The following SNX3 variants were observed in gnomAD, a reference collection of about 807,000 sequenced individuals.
The protein encoded by SNX3 is sorting nexin 3.
In SNX3, 5 loss-of-function variants were observed where a neutral mutation model predicts 17.7. The observed-to-expected ratio is 0.28, with a 90% confidence interval of 0.15 to 0.59. SNX3 has a LOEUF of 0.59. Among genes scored for constraint, SNX3 ranks in the 20% least tolerant of loss-of-function variants. The pLI is 0.88. For missense variants in SNX3, 132 were observed against 206.8 expected, an observed-to-expected ratio of 0.64 and a Z score of 2.22; for synonymous variants, 91 against 76.5, an observed-to-expected ratio of 1.19 and a Z score of -0.99.
intron 1 of SNX3, among the ~76,000 whole-genome samples, chr6:108,231,943 A>G (rs957545829): frequency 1.3e-5 from 2 of 152,240 alleles, no homozygotes; most frequent in African/African-American, 2.4e-5. Context: ...AGAATTAAAC[A>G]AGGGTTTATA....
At chr6:108,226,882 A>G (rs941559914) in intron 1 of SNX3, among the ~76,000 whole-genome samples, 7 of 152,228 alleles carry the variant, frequency 4.6e-5, no homozygotes, top group Non-Finnish European at 1.0e-4. Flanking sequence ...ATCTCACAAG[A>G]GATTTAAAAG....
intron 2 of SNX3, among the ~76,000 whole-genome samples, chr6:108,221,034 A>G (rs572134625): frequency 8.2e-4 from 125 of 152,218 alleles, no homozygotes; most frequent in African/African-American, 2.8e-3. Flanking sequence ...TATACTGAAA[A>G]TATTTTTTGG....
intron 1 of SNX3, among the ~76,000 whole-genome samples, chr6:108,226,632 A>C (rs976272695): frequency 6.6e-6 from 1 of 152,250 alleles, no homozygotes; most frequent in African/African-American, 2.4e-5. Flanking sequence ...ATACAGGGAC[A>C]TCATCTTGTA....
At chr6:108,220,015 A>G (rs1053635182) in intron 2 of SNX3, among the ~76,000 whole-genome samples, 10 of 152,200 alleles carry the variant, frequency 6.6e-5, no homozygotes, top group Non-Finnish European at 1.5e-4. Context: ...AGTTAAAAAA[A>G]TTTAAATAGA....
At chr6:108,242,134 T>G (rs940890163) in intron 1 of SNX3, among the ~76,000 whole-genome samples, 1 of 152,054 alleles carries the variant, frequency 6.6e-6, no homozygotes, top group Non-Finnish European at 1.5e-5. Flanking sequence ...ATCAAGAAAC[T>G]GTCCATTCTG....
chr6:108,213,717 T>C (rs1447356228), intron 3 of SNX3, among the ~76,000 whole-genome samples: 1 of 151,530 alleles, frequency 6.6e-6, no homozygotes, highest in Non-Finnish European at 1.5e-5. Flanking sequence ...TCACAGACAA[T>C]GAATATTGAG....
chr6:108,222,360 T>A, intron 2 of SNX3: 2 of 1,301,250 alleles, frequency 1.5e-6, no homozygotes, highest in Non-Finnish European at 1.0e-6. Flanking sequence ...TGCTTTAATT[T>A]ATTTTGATGC....
At chr6:108,259,447 G>A (rs1211134892) in intron 1 of SNX3, among the ~76,000 whole-genome samples, 2 of 152,082 alleles carry the variant, frequency 1.3e-5, no homozygotes, top group African/African-American at 4.8e-5. Flanking sequence ...TGGTCAGGCT[G>A]GTGTCGAACT....
At chr6:108,260,435 G>T (rs1349120290) in intron 1 of SNX3, among the ~76,000 whole-genome samples, 1 of 152,086 alleles carries the variant, frequency 6.6e-6, no homozygotes, top group African/African-American at 2.4e-5. Context: ...TCCCTTCCCA[G>T]CGAAGGGATG....
chr6:108,216,024 C>G (rs914614684), intron 2 of SNX3, among the ~76,000 whole-genome samples: 25 of 152,292 alleles, frequency 1.6e-4, no homozygotes, highest in Middle Eastern at 6.8e-3. Context: ...TTTGGTTTCT[C>G]TACCCTAGCA....
chr6:108,244,260 ATCC>A (rs1223007166), intron 1 of SNX3, among the ~76,000 whole-genome samples: 2 of 151,950 alleles, frequency 1.3e-5, no homozygotes, highest in Non-Finnish European at 2.9e-5. Flanking sequence ...GGCTCAAACA[ATCC>A]TCCCACCTCA....
chr6:108,234,716 TA>T (rs1159267842), intron 1 of SNX3, among the ~76,000 whole-genome samples: 9 of 152,104 alleles, frequency 5.9e-5, no homozygotes. Flanking sequence ...TTATTTTTAT[TA>T]AATATATTAT....
rs928617301 is a variant in SNX3, at chr6:108,238,701, G to T, written c.163-15656C>A. Among the ~76,000 whole-genome samples the T allele has an allele frequency of 2.6e-5, 4 of 152,256 alleles. No homozygotes were observed. In the South Asian group the frequency reaches 6.2e-4, roughly 24 times the overall value. On this transcript the variant is annotated intron_variant, in intron 1 of 3. Transcript: ENST00000230085. ...GCCTCTTATTTTTCCGCTCACCTAA[G>T]AAATTCCAGGTTTTATTCACTAAGG...
intron 1 of SNX3, among the ~76,000 whole-genome samples, chr6:108,225,218 T>G (rs1774938538): frequency 6.9e-6 from 1 of 144,846 alleles, no homozygotes; most frequent in Non-Finnish European, 1.5e-5. Flanking sequence ...GGAGGCGGAG[T>G]TTGCAGTGAG....
chr6:108,258,582 T>G (rs1405191037), intron 1 of SNX3, among the ~76,000 whole-genome samples: 1 of 152,032 alleles, frequency 6.6e-6, no homozygotes, highest in Non-Finnish European at 1.5e-5. Context: ...TCATCATAGC[T>G]CTCTGCAGCC....
intron 1 of SNX3, among the ~76,000 whole-genome samples, chr6:108,226,069 A>G (rs926450735): frequency 6.8e-6 from 1 of 147,358 alleles, no homozygotes; most frequent in East Asian, 2.0e-4. Flanking sequence ...AAAAAAAAAA[A>G]GGAGAAGAAA....
chr6:108,260,738 G>A, intron 1 of SNX3, 22 bp downstream of exon 1: 1 of 1,613,298 alleles, frequency 6.2e-7, no homozygotes. Flanking sequence ...GGTTTCTTGG[G>A]AGAGGGGAGA....
chr6:108,227,168 T>C (rs972960843), intron 1 of SNX3, among the ~76,000 whole-genome samples: 3 of 152,232 alleles, frequency 2.0e-5, no homozygotes, highest in Non-Finnish European at 4.4e-5. Context: ...CATTAAAATA[T>C]TAAGTCTTTG....
At chr6:108,238,797 G>C (rs1039162403) in intron 1 of SNX3, among the ~76,000 whole-genome samples, 5 of 152,012 alleles carry the variant, frequency 3.3e-5, no homozygotes, top group Admixed American at 6.6e-5. Context: ...TTCTTGACAT[G>C]TTGCATGGGG....
Sources: allele counts gnomAD v4.1 joint callset (sites outside exome capture counted in the v4.1 genomes callset), GRCh38; gene constraint gnomAD v4.1.1; transcripts MANE v1.5; gene names NCBI Gene and HGNC (gene_info 2026-07-23, HGNC 2026-07-21).